The following NTPCR variants were observed in gnomAD, a reference collection of about 807,000 sequenced individuals.
The protein encoded by NTPCR is nucleoside-triphosphatase, cancer-related.
A neutral mutation model predicts 19.5 loss-of-function variants in NTPCR; 15 were observed. The observed-to-expected ratio is 0.77, with a 90% CI of 0.51 to 1.18. The LOEUF is 1.18. Ranked by LOEUF, NTPCR falls within the 50% of genes most tolerant of loss-of-function variation. The pLI is 0.00. For synonymous variants in NTPCR, 90 were observed against 95.8 expected, an observed-to-expected ratio of 0.94 and a Z score of 0.36; for missense variants, 206 against 240.4, an observed-to-expected ratio of 0.86 and a Z score of 0.95.
intron 3 of NTPCR, 80 bp downstream of exon 3, chr1:232,956,523 CT>C (rs1431661840): frequency 8.1e-6 from 8 of 982,416 alleles, no homozygotes; most frequent in Non-Finnish European, 6.4e-6. Context: ...AACAGAATGC[CT>C]TTTGCTCTTA....
At chr1:232,957,765 T>C (rs1668553293) in intron 3 of NTPCR, among the ~76,000 whole-genome samples, 1 of 152,186 alleles carries the variant, frequency 6.6e-6, no homozygotes. Flanking sequence ...AGACACTAAG[T>C]AAATTTATAC....
At chr1:232,960,328 T>C (rs1409948274) in intron 3 of NTPCR, among the ~76,000 whole-genome samples, 1 of 150,660 alleles carries the variant, frequency 6.6e-6, no homozygotes, top group Non-Finnish European at 1.5e-5. Flanking sequence ...CTGGTTATGT[T>C]TCTTGTTTCT....
chr1:232,958,557 G>C (rs1408691566), intron 3 of NTPCR, among the ~76,000 whole-genome samples: 1 of 152,172 alleles, frequency 6.6e-6, no homozygotes, highest in East Asian at 1.9e-4. Flanking sequence ...TCAGCAGGGG[G>C]TTGTGCTTCT....
chr1:232,963,922 G>T (rs778113166), intron 3 of NTPCR: 1 of 151,170 alleles, frequency 6.6e-6, no homozygotes, highest in African/African-American at 2.4e-5. Flanking sequence ...TTGAGAATAC[G>T]TTGCAATCAT....
chr1:232,958,163 A>T (rs1668564781), intron 3 of NTPCR, among the ~76,000 whole-genome samples: 1 of 152,342 alleles, frequency 6.6e-6, no homozygotes, highest in Non-Finnish European at 1.5e-5. Context: ...AAATTAAATG[A>T]TACAGACCTG....
chr1:232,976,553 A>G (rs554088868), intron 4 of NTPCR: 1 of 1,493,066 alleles, frequency 6.7e-7, no homozygotes, highest in South Asian at 1.3e-5. Context: ...GACTTTGGCT[A>G]ACTTAAGTGA....
At chr1:232,977,002 G>C (rs1193356344) in intron 4 of NTPCR, 1 of 155,160 alleles carries the variant, frequency 6.4e-6, no homozygotes, top group African/African-American at 2.4e-5. Context: ...CAGGTGCCAG[G>C]AACCAGAATT....
At chr1:232,971,338 C>T (rs767981032) in intron 4 of NTPCR, among the ~76,000 whole-genome samples, 15 of 152,094 alleles carry the variant, frequency 9.9e-5, no homozygotes, top group Non-Finnish European at 1.6e-4. Flanking sequence ...AGTGAGTACC[C>T]GTGAGCACCT....
rs1393823063 is a variant in NTPCR at position 232,982,778 on chromosome 1, C to A, written c.*4547C>A. The A allele has an allele frequency of 6.6e-6, 1 of 152,268 alleles. No individual in the cohort carries two copies. The highest frequency in any genetic ancestry group is 1.9e-4 in the East Asian group (1 of 5,196). 9.4% of individuals were successfully genotyped at this position (152,268 alleles called of 1,614,324 possible). On this transcript the variant is annotated 3_prime_UTR_variant, in exon 5 of 5. Transcript: ENST00000366628. Reference sequence around the variant, plus strand: ...AGGCACCGTGGTTTTCCTCACTGAACTCAAGGAGTCACCCTCCGTGGGGAG... The same window carrying A: ...AGGCACCGTGGTTTTCCTCACTGAAATCAAGGAGTCACCCTCCGTGGGGAG...
chr1:232,959,942 G>A (rs1173033417), intron 3 of NTPCR, among the ~76,000 whole-genome samples: 3 of 152,034 alleles, frequency 2.0e-5, no homozygotes, highest in Middle Eastern at 3.2e-3. Flanking sequence ...TGGTTGCAGC[G>A]GCTCATGTCT....
At position 232,955,704 on chromosome 1, in the gene NTPCR, C is replaced by T; in HGVS notation, c.182C>T (p.Pro61Leu). The T allele has an allele frequency of 6.2e-7, 1 of 1,613,692 alleles. No individual in the cohort carries two copies. The change falls in exon 2 of 5, where the codon CCT (proline) becomes CTT (leucine). Residue 61 changes from proline to leucine, a missense_variant. Coordinates refer to ENST00000366628, the MANE Select transcript of NTPCR (RefSeq NM_032324.3). ...DVVTLSGTRG[P>L]LSRVGLEPPP... is the part of the protein sequence containing the mutation. ...GTCACGTTGTCCGGCACCCGGGGGC[C>T]TTTATCGAGAGTTGGGTACTGATAT...
chr1:232,971,373 A>G (rs939091346), intron 4 of NTPCR, among the ~76,000 whole-genome samples: 5 of 152,144 alleles, frequency 3.3e-5, no homozygotes, highest in African/African-American at 1.2e-4. Context: ...TTAATCACTG[A>G]GTGAAATGTC....
chr1:232,974,131 T>G (rs1336946225), intron 4 of NTPCR, among the ~76,000 whole-genome samples: 1 of 152,160 alleles, frequency 6.6e-6, no homozygotes, highest in Non-Finnish European at 1.5e-5. Context: ...AAAATTAAAG[T>G]CTTGAAAGCA....
rs774472510 is a variant in NTPCR at position 232,983,493 on chromosome 1, AG to A, written c.*5265del. 1.3e-5 allele frequency: 2 copies of A among 152,276 alleles called. No individual in the cohort carries two copies. Among genetic ancestry groups the A allele is most frequent in the Non-Finnish European group, 2.9e-5 (2 of 68,058 alleles). The allele number at this position is 152,276 out of a possible 1,614,324, so 9.4% of individuals were successfully genotyped here. A position where few individuals can be genotyped will look rare whatever the true frequency, so the allele number is the denominator to read the frequency against. On this transcript the variant is annotated 3_prime_UTR_variant, in exon 5 of 5. Transcript: ENST00000366628. ...TGTGTGCGATGTTGTGTGCACAGTA[AG>A]GGTTGCGGGGCTTGGAGAACAAGCA...
Position 232,970,102 on chromosome 1 carries a change from A to T in NTPCR, c.488A>T (p.Asp163Val), listed in dbSNP as rs1668935048. ...ALVEEIRNRK[D>V]VKVFNVTKEN... is the part of the protein sequence containing the mutation. The stretch of plus-strand genomic sequence containing the variant: ...GTAGAAGAAATCAGAAACAGAAAGG[A>T]TGTGAAGGTGTTTAATGTGAGTACA... The change falls in exon 4 of 5, where the codon GAT (aspartate) becomes GTT (valine). Residue 163 changes from aspartate (D) to valine (V), a missense_variant. Coordinates refer to ENST00000366628, the MANE Select transcript of NTPCR (RefSeq NM_032324.3). 1 of 1,613,634 alleles carries T rather than the reference A, an allele frequency of 6.2e-7. No individual in the cohort carries two copies. The highest frequency in any genetic ancestry group is 1.3e-5 in the African/African-American group (1 of 75,040).
intron 4 of NTPCR, among the ~76,000 whole-genome samples, chr1:232,973,286 G>A (rs919878673): frequency 1.3e-5 from 2 of 152,200 alleles, no homozygotes; most frequent in Non-Finnish European, 2.9e-5. Flanking sequence ...ACACAAATTA[G>A]TAATATTATC....
intron 3 of NTPCR, chr1:232,965,622 T>C (rs1668791151): frequency 1.3e-5 from 2 of 152,358 alleles, no homozygotes; most frequent in Non-Finnish European, 2.9e-5. Flanking sequence ...GGAGCTGGGG[T>C]CCGGAGTGGG....
chr1:232,983,071 A>C lies in NTPCR; in HGVS notation c.*4840A>C, dbSNP rs79125917. The C allele has an allele frequency of 6.8e-6, 1 of 148,094 alleles. No homozygotes were observed. Among genetic ancestry groups the C allele is most frequent in the South Asian group, 2.1e-4 (1 of 4,722 alleles). 9.2% of individuals were successfully genotyped at this position (148,094 alleles called of 1,614,324 possible). A position where few individuals can be genotyped will look rare whatever the true frequency, so the allele number is the denominator to read the frequency against. On this transcript the variant is annotated 3_prime_UTR_variant, in exon 5 of 5. Coordinates refer to ENST00000366628, the MANE Select transcript of NTPCR (RefSeq NM_032324.3). ...TATTAATTGCTGATTCTTAGTTTACAAAAAAAAAAATTAGAAAAGCATTAC... is the reference window on the plus strand; with the variant it reads ...TATTAATTGCTGATTCTTAGTTTACCAAAAAAAAAATTAGAAAAGCATTAC...
At chr1:232,953,993 C>T (rs992761490) in intron 1 of NTPCR, among the ~76,000 whole-genome samples, 1 of 152,126 alleles carries the variant, frequency 6.6e-6, no homozygotes, top group Non-Finnish European at 1.5e-5. Flanking sequence ...AGTGAATGTC[C>T]TCTTTCACAC....
Sources: allele counts gnomAD v4.1 joint callset (sites outside exome capture counted in the v4.1 genomes callset), GRCh38; gene constraint gnomAD v4.1.1; transcripts MANE v1.5; gene names NCBI Gene and HGNC (gene_info 2026-07-23, HGNC 2026-07-21).